The following ATP12A variants were observed in gnomAD, a reference collection of about 807,000 sequenced individuals.
ATP12A encodes potassium-transporting ATPase alpha chain 2.
A neutral mutation model predicts 111.2 loss-of-function variants in ATP12A; 81 were observed. The ratio of observed to expected loss-of-function variants is 0.73; its 90% CI spans 0.61 to 0.88. The LOEUF (loss-of-function observed/expected upper bound fraction) is 0.88, where lower values mean the gene tolerates loss of function less well. ATP12A is among the 40% of genes least tolerant of loss of function. The pLI is 0.00. For missense variants in ATP12A, 1,196 were observed against 1,313.1 expected (o/e 0.91, Z 1.38); for synonymous variants, 498 against 499.8 (o/e 1.00, Z 0.05).
At position 24,690,449 on chromosome 13, in the gene ATP12A, G is replaced by T. The variant is rs1455030930; in HGVS notation, c.658G>T (p.Val220Leu). The change falls in exon 6 of 23, where the codon GTG becomes TTG. Residue 220 changes from valine to leucine, a missense_variant. By Grantham distance (32) the Val-to-Leu change is conservative. This residue lies in a region of ATP12A where 1,126 missense variants were observed against 1,228.5 expected (regional missense o/e 0.92). Coordinates refer to ENST00000381946, the MANE Select transcript of ATP12A (RefSeq NM_001676.7). ...AGACCAGATCCCTGCAGACATCAGG[G>T]TGCTGTCTTCTCAGGGGTGTCGGGT... ...GGDQIPADIR[V>L]LSSQGCRVDN... 1 of 1,613,708 alleles carries T rather than the reference G, an allele frequency of 6.2e-7. No homozygotes were observed. Among genetic ancestry groups the T allele is most frequent in the Non-Finnish European group, 8.5e-7 (1 of 1,179,956 alleles).
chr13:24,685,250 AGCTTGGG>A lies in ATP12A; in HGVS notation c.169-58_169-52del, dbSNP rs1181463700. On this transcript the variant is annotated intron_variant, in intron 2 of 22. Transcript: ENST00000381946. The surrounding 1 kb of genome is among the most constrained non-coding windows in gnomAD (Gnocchi z 5.5). ...ACTCCCAGCTTCCATGGCTGGTCAAAGCTTGGGGCTTGAGTCTTTTGGAATTATCTAA... is the reference window on the plus strand; with the variant it reads ...ACTCCCAGCTTCCATGGCTGGTCAAAGCTTGAGTCTTTTGGAATTATCTAA... The A allele has an allele frequency of 2.0e-6, 3 of 1,527,546 alleles. No individual in the cohort carries two copies. Among genetic ancestry groups the A allele is most frequent in the Middle Eastern group, 1.7e-4 (1 of 5,922 alleles). 94.6% of individuals were successfully genotyped at this position (1,527,546 alleles called of 1,614,324 possible).
chr13:24,682,752 A>G (rs914423571), intron 2 of ATP12A, among the ~76,000 whole-genome samples: 49 of 152,330 alleles, frequency 3.2e-4, no homozygotes, highest in African/African-American at 1.2e-3. Flanking sequence ...GGGCCCCATC[A>G]GAGTCCCACT....
chr13:24,681,285 T>G (rs958011256), intron 1 of ATP12A, among the ~76,000 whole-genome samples: 9 of 151,984 alleles, frequency 5.9e-5, no homozygotes, highest in African/African-American at 2.2e-4. Flanking sequence ...GGGGGGTAAC[T>G]TCCCACCTGC....
At chr13:24,711,099 T>C (rs1284080790) in intron 21 of ATP12A, among the ~76,000 whole-genome samples, 2 of 152,256 alleles carry the variant, frequency 1.3e-5, no homozygotes, top group Non-Finnish European at 2.9e-5. Context: ...CCGGCCTTCA[T>C]CCTCATCCAA....
At chr13:24,692,958 T>C (rs553316691) in intron 10 of ATP12A, 62 bp downstream of exon 10, 2 of 1,447,472 alleles carry the variant, frequency 1.4e-6, no homozygotes, top group South Asian at 2.3e-5. Flanking sequence ...TGCTGAGGTC[T>C]GATTGGGTGC....
intron 4 of ATP12A, 37 bp downstream of exon 4, chr13:24,688,559 C>T (rs1401551934): frequency 4.0e-6 from 6 of 1,489,782 alleles, no homozygotes. Context: ...GTTTTGCTGG[C>T]AGAGCCATCC....
intron 10 of ATP12A, 119 bp downstream of exon 10, chr13:24,693,015 G>A (rs954419461): frequency 6.7e-6 from 6 of 889,186 alleles, no homozygotes; most frequent in African/African-American, 3.3e-5. Context: ...GTGCTTGCAA[G>A]AGCAAGTCAG....
At position 24,698,569 on chromosome 13, in the gene ATP12A, C is replaced by T. The variant is rs927988683; in HGVS notation, c.1513-89C>T. On this transcript the variant is annotated intron_variant, in intron 11 of 22. Transcript: ENST00000381946. ...ACATGCTGAGGATGCCATTGTGCCTCTTCCTCCTTTACATTTAATGGACCA... is the reference window on the plus strand; with the variant it reads ...ACATGCTGAGGATGCCATTGTGCCTTTTCCTCCTTTACATTTAATGGACCA... The T allele has an allele frequency of 3.6e-6, 5 of 1,386,322 alleles. No homozygotes were observed. In the African/African-American group the frequency reaches 4.3e-5, roughly 12 times the overall value. The allele number at this position is 1,386,322 out of a possible 1,614,324, so 85.9% of individuals were successfully genotyped here.
At chr13:24,680,861 C>A in intron 1 of ATP12A, 109 bp downstream of exon 1, 1 of 1,376,702 alleles carries the variant, frequency 7.3e-7, no homozygotes, top group South Asian at 1.6e-5. Flanking sequence ...AGAAACGCCC[C>A]GTCCCGGGGC....
chr13:24,701,701 G>A (rs1875404088), intron 13 of ATP12A, among the ~76,000 whole-genome samples: 1 of 152,170 alleles, frequency 6.6e-6, no homozygotes, highest in Admixed American at 6.5e-5. Context: ...GCATCAAAGG[G>A]GAAGGGCTTC....
At chr13:24,711,206 C>A in intron 21 of ATP12A, 112 bp from the exon 22 acceptor site, 1 of 1,030,758 alleles carries the variant, frequency 9.7e-7, no homozygotes, top group Admixed American at 2.3e-5. Context: ...GTGGATTTGT[C>A]GTTCTTTGCA....
intron 14 of ATP12A, 145 bp downstream of exon 14, chr13:24,702,216 T>G: frequency 1.9e-6 from 2 of 1,066,622 alleles, no homozygotes. Context: ...TGCATATCCA[T>G]GTATTCACTC....
intron 5 of ATP12A, among the ~76,000 whole-genome samples, 194 bp from the exon 6 acceptor site, chr13:24,690,144 C>T (rs1372498656): frequency 6.6e-6 from 1 of 152,100 alleles, no homozygotes; most frequent in Non-Finnish European, 1.5e-5. Flanking sequence ...TCTTGCTGTT[C>T]TGACAGCCTC....
intron 14 of ATP12A, 116 bp from the exon 15 acceptor site, chr13:24,706,197 A>G (rs1436346879): frequency 7.2e-7 from 1 of 1,386,152 alleles, no homozygotes; most frequent in Non-Finnish European, 9.8e-7. Flanking sequence ...ATTAGGTATC[A>G]AGGACACTGG....
rs1437260870 is a variant in ATP12A, at chr13:24,680,543, C to T, written c.-201C>T. 9.3e-6 allele frequency: 5 copies of T among 535,112 alleles called. No individual in the cohort carries two copies. Among genetic ancestry groups the T allele is most frequent in the Non-Finnish European group, 1.6e-5 (5 of 322,346 alleles). 33.1% of individuals were successfully genotyped at this position (535,112 alleles called of 1,614,324 possible). The stretch of plus-strand genomic sequence containing the variant: ...TGGGCGGGGCGGGCGGCATTTAAGG[C>T]TGGTGCCACCTCCCCGGTGCAGCGG... On this transcript the variant is annotated 5_prime_UTR_variant, in exon 1 of 23. Transcript: ENST00000381946.
rs1262245169 is a variant in ATP12A at position 24,691,097 on chromosome 13, C to T, written c.915C>T (p.His305=). 1.2e-6 allele frequency: 2 copies of T among 1,614,238 alleles called. No homozygotes were observed. Among genetic ancestry groups the T allele is most frequent in the Admixed American group, 3.3e-5 (2 of 60,022 alleles). Residue 305 remains histidine, a synonymous_variant, in exon 8 of 23, where the codon CAC becomes CAT. Coordinates refer to ENST00000381946, the MANE Select transcript of ATP12A (RefSeq NM_001676.7). ...EKTPIAIEIE[H]FVHIVAGVAV... is the part of the protein sequence containing the mutation. ...CGCCCATTGCCATTGAGATCGAGCA[C>T]TTTGTTCACATTGTGGCAGGAGTGG...
chr13:24,682,392 G>GGTGTGTGTAT (rs1874513370), intron 2 of ATP12A, among the ~76,000 whole-genome samples: 1 of 99,516 alleles, frequency 1.0e-5, no homozygotes, highest in Non-Finnish European at 2.1e-5. Context: ...TGTGGTGTGT[G>GGTGTGTGTAT]GTGTGTGTAT....
At chr13:24,708,894 A>G (rs1213816942) in intron 17 of ATP12A, among the ~76,000 whole-genome samples, 1 of 138,598 alleles carries the variant, frequency 7.2e-6, no homozygotes, top group Non-Finnish European at 1.5e-5. Context: ...AAGAGAAAGA[A>G]AGAAAGGAAA....
rs201231734 is a variant in ATP12A, at chr13:24,707,298, C to A, written c.2358C>A (p.Asn786Lys). The change falls in exon 17 of 23, where the codon AAC (asparagine) becomes AAA (lysine). Residue 786 changes from asparagine (N) to lysine (K), a missense_variant. Physicochemically the swap from Asn to Lys is moderately conservative, Grantham distance 94. This residue lies in a region of ATP12A where 1,126 missense variants were observed against 1,228.5 expected (regional missense o/e 0.92). Transcript: ENST00000381946. Reference sequence around the variant, plus strand: ...GCCTAGGTCGCCTGATCTTTGACAACCTCAAGAAGACTATTGCTTATTCCC... The same window carrying A: ...GCCTAGGTCGCCTGATCTTTGACAAACTCAAGAAGACTATTGCTTATTCCC... ...GVEEGRLIFD[N>K]LKKTIAYSLT... 3 of 1,614,094 alleles carry A rather than the reference C, an allele frequency of 1.9e-6. No individual in the cohort carries two copies. Among genetic ancestry groups the A allele is most frequent in the East Asian group, 2.2e-5 (1 of 44,896 alleles).
Sources: allele counts gnomAD v4.1 joint callset (sites outside exome capture counted in the v4.1 genomes callset), GRCh38; gene constraint gnomAD v4.1.1; regional missense constraint gnomAD v4.1.1; non-coding constraint Gnocchi (gnomAD v3.1); transcripts MANE v1.5; gene names NCBI Gene and HGNC (gene_info 2026-07-23, HGNC 2026-07-21).